The following LRFN2 variants were observed in gnomAD, a reference collection of about 807,000 sequenced individuals.
LRFN2 encodes the protein leucine rich repeat and fibronectin type III domain containing 2.
LRFN2 carries 18 observed loss-of-function variants against 37.3 expected under a neutral mutation model. The ratio of observed to expected loss-of-function variants is 0.48; its 90% CI spans 0.33 to 0.72. LRFN2 has a LOEUF of 0.72. LRFN2 is among the 30% of genes least tolerant of loss of function. The pLI is 0.02. For synonymous variants in LRFN2, 556 were observed against 466.6 expected (o/e 1.19, Z -2.47); for missense variants, 1,006 against 1,060.7 (o/e 0.95, Z 0.72).
intron 1 of LRFN2, among the ~76,000 whole-genome samples, chr6:40,494,234 G>A (rs912501401): frequency 1.3e-5 from 2 of 152,122 alleles, no homozygotes; most frequent in African/African-American, 4.8e-5. Context: ...TAACATTCCT[G>A]CTCCTCAAAT....
chr6:40,585,395 G>A (rs1300304508), intron 1 of LRFN2, among the ~76,000 whole-genome samples: 2 of 152,114 alleles, frequency 1.3e-5, no homozygotes, highest in African/African-American at 4.8e-5. Context: ...CCAGGCAGCT[G>A]GCATGGTCGG....
intron 1 of LRFN2, among the ~76,000 whole-genome samples, chr6:40,434,992 C>T (rs1763608737): frequency 8.8e-6 from 1 of 113,396 alleles, no homozygotes; most frequent in Non-Finnish European, 1.7e-5. Context: ...TAAAGACATC[C>T]CTTTCTTGAG....
At chr6:40,402,746 CTAA>C (rs1762766945) in intron 2 of LRFN2, among the ~76,000 whole-genome samples, 1 of 152,176 alleles carries the variant, frequency 6.6e-6, no homozygotes, top group Non-Finnish European at 1.5e-5. Flanking sequence ...GGAAGTACAT[CTAA>C]TAATTGTGCT....
At chr6:40,438,069 A>G (rs1435546070) in intron 1 of LRFN2, among the ~76,000 whole-genome samples, 3 of 152,348 alleles carry the variant, frequency 2.0e-5, no homozygotes, top group African/African-American at 7.2e-5. Context: ...TGTCAGAATC[A>G]GCCTTCATAG....
chr6:40,398,258 C>T (rs917371492), intron 2 of LRFN2, among the ~76,000 whole-genome samples: 1 of 151,926 alleles, frequency 6.6e-6, no homozygotes, highest in African/African-American at 2.4e-5. Context: ...TGTCTCCAAG[C>T]ATTGCCCAAT....
chr6:40,514,302 A>G (rs979430567), intron 1 of LRFN2, among the ~76,000 whole-genome samples: 1 of 152,124 alleles, frequency 6.6e-6, no homozygotes, highest in Non-Finnish European at 1.5e-5. Context: ...CATATGTTAT[A>G]TGAGTTTTTT....
In LRFN2 at chr6:40,391,793, G is replaced by A. The variant is rs548169531; in HGVS notation, c.*150C>T. ...GGTGGGGAGGTGATGTGGGTGTTGC[G>A]GGGTAGGGGGGGACACGAGGCCATT... On this transcript the variant is annotated 3_prime_UTR_variant, in exon 3 of 3. Transcript: ENST00000338305. 36 of 714,360 alleles carry A rather than the reference G, an allele frequency of 5.0e-5. No individual in the cohort carries two copies. In the South Asian group the frequency reaches 8.0e-4, roughly 16 times the overall value. 44.3% of individuals were successfully genotyped at this position (714,360 alleles called of 1,614,324 possible).
At chr6:40,577,848 C>G (rs1224844705) in intron 1 of LRFN2, among the ~76,000 whole-genome samples, 1 of 129,200 alleles carries the variant, frequency 7.7e-6, no homozygotes, top group Non-Finnish European at 1.7e-5. Flanking sequence ...AATAAAAGAT[C>G]CAGGAGGGTC....
Position 40,554,739 on chromosome 6 carries a change from C to A in LRFN2, c.-19+32202G>T, listed in dbSNP as rs563981430. Among the ~76,000 whole-genome samples, 8 of 152,110 alleles carry A rather than the reference C, an allele frequency of 5.3e-5. No homozygotes were observed. The South Asian group carries it at 1.5e-3, about 28-fold the overall frequency. On this transcript the variant is annotated intron_variant, in intron 1 of 2. Transcript: ENST00000338305. ...AGTCTCAAACACTGTTTTTTGATCACCCCCTTCCTACTTGACTCCCCCTCT... is the reference window on the plus strand; with the variant it reads ...AGTCTCAAACACTGTTTTTTGATCAACCCCTTCCTACTTGACTCCCCCTCT...
intron 1 of LRFN2, among the ~76,000 whole-genome samples, chr6:40,483,937 T>C (rs186429505): frequency 6.6e-6 from 1 of 152,308 alleles, no homozygotes; most frequent in African/African-American, 2.4e-5. Context: ...CCTGTCAGCA[T>C]TCCTGGCTCA....
At chr6:40,542,723 G>A (rs1336589127) in intron 1 of LRFN2, among the ~76,000 whole-genome samples, 5 of 152,162 alleles carry the variant, frequency 3.3e-5, no homozygotes, top group Non-Finnish European at 4.4e-5. Context: ...GGAGAATTTG[G>A]CCCTGCTACC....
intron 1 of LRFN2, among the ~76,000 whole-genome samples, chr6:40,453,017 C>A (rs1764147814): frequency 6.6e-6 from 1 of 152,152 alleles, no homozygotes; most frequent in Non-Finnish European, 1.5e-5. Flanking sequence ...AAGAGATGAG[C>A]CCCATGGCAA....
intron 1 of LRFN2, among the ~76,000 whole-genome samples, chr6:40,581,945 G>A (rs1767412955): frequency 6.6e-6 from 1 of 152,294 alleles, no homozygotes; most frequent in African/African-American, 2.4e-5. Context: ...GGACCCCCTG[G>A]CTTCTTTGAC....
intron 1 of LRFN2, among the ~76,000 whole-genome samples, chr6:40,543,071 G>A (rs1285202935): frequency 6.6e-6 from 1 of 152,228 alleles, no homozygotes; most frequent in East Asian, 1.9e-4. Context: ...GACTTCCAGA[G>A]CCCCTGCCAG....
chr6:40,420,871 A>T (rs558981588), intron 2 of LRFN2, among the ~76,000 whole-genome samples: 3 of 152,316 alleles, frequency 2.0e-5, no homozygotes, highest in Non-Finnish European at 4.4e-5. Context: ...TGTGGTAAGG[A>T]AGTGTGGAAG....
chr6:40,441,425 G>A (rs1415689731), intron 1 of LRFN2, among the ~76,000 whole-genome samples: 2 of 152,112 alleles, frequency 1.3e-5, no homozygotes, highest in Non-Finnish European at 1.5e-5. Flanking sequence ...GTGAGTGAAC[G>A]GGTGTGTCTC....
chr6:40,547,325 G>A (rs1766684775), intron 1 of LRFN2, among the ~76,000 whole-genome samples: 2 of 151,988 alleles, frequency 1.3e-5, no homozygotes, highest in Admixed American at 6.5e-5. Flanking sequence ...GGCCGGTCTC[G>A]AACTCCTGAC....
intron 1 of LRFN2, among the ~76,000 whole-genome samples, chr6:40,446,415 C>A (rs116057845): frequency 6.6e-6 from 1 of 152,234 alleles, no homozygotes; most frequent in Non-Finnish European, 1.5e-5. Context: ...GGATCTCCCC[C>A]TTCCCTGCTG....
Position 40,532,467 on chromosome 6 carries a change from A to G in LRFN2, c.-19+54474T>C, listed in dbSNP as rs181282877. 1.8e-4 allele frequency among the ~76,000 whole-genome samples: 27 copies of G among 152,356 alleles called. No individual in the cohort carries two copies. The East Asian group carries it at 5.0e-3, about 28-fold the overall frequency. On this transcript the variant is annotated intron_variant, in intron 1 of 2. Coordinates refer to ENST00000338305, the MANE Select transcript of LRFN2 (RefSeq NM_020737.3). ...TATGTAGTGGGACACCATTATTCTCATTTCATAGATGAAGGCTCAGAGAAG... is the reference window on the plus strand; with the variant it reads ...TATGTAGTGGGACACCATTATTCTCGTTTCATAGATGAAGGCTCAGAGAAG...
Sources: gnomAD v4.1 joint callset for allele counts (sites outside exome capture counted in the v4.1 genomes callset) on GRCh38, gnomAD v4.1.1 for gene constraint, MANE v1.5 for transcripts, NCBI Gene and HGNC (gene_info 2026-07-23, HGNC 2026-07-21) for gene names.